CD48: variants seen among roughly 807,000 people sequenced by gnomAD.
The protein encoded by CD48 is CD48 molecule, also known as CD48 antigen.
CD48 carries 20 observed loss-of-function variants against 22.0 expected under a neutral mutation model. The observed-to-expected ratio is 0.91, with a 90% CI of 0.64 to 1.32. The LOEUF (loss-of-function observed/expected upper bound fraction) is 1.32. CD48 is among the 40% of genes most tolerant of loss of function. The pLI is 0.00. For synonymous variants in CD48, 110 were observed against 110.1 expected (o/e 1.00, Z 0.01); for missense variants, 307 against 286.5 (o/e 1.07, Z -0.52).
chr1:160,706,788 A>G (rs561022967), intron 1 of CD48, among the ~76,000 whole-genome samples: 1 of 152,328 alleles, frequency 6.6e-6, no homozygotes, highest in African/African-American at 2.4e-5. Context: ...GTAGAAAAAC[A>G]GAATTGTAAC....
chr1:160,708,575 C>T (rs1373936647), intron 1 of CD48, among the ~76,000 whole-genome samples: 2 of 152,076 alleles, frequency 1.3e-5, no homozygotes, highest in Non-Finnish European at 2.9e-5. Flanking sequence ...GTAGAATTAA[C>T]AGGACTTACT....
At chr1:160,684,682 T>C (rs1661924992) in intron 2 of CD48, 1 of 1,450,124 alleles carries the variant, frequency 6.9e-7, no homozygotes, top group Admixed American at 2.6e-5. Flanking sequence ...GAAGAGGTGT[T>C]AAATGTCCTA....
chr1:160,684,873 C>T lies in CD48; in HGVS notation c.385+14G>A. 1 of 1,614,104 alleles carries T rather than the reference C, an allele frequency of 6.2e-7. No homozygotes were observed. The highest frequency in any genetic ancestry group is 8.5e-7 in the Non-Finnish European group (1 of 1,180,010). On this transcript the variant is annotated intron_variant, in intron 2 of 3. Coordinates refer to ENST00000368046, the MANE Select transcript of CD48 (RefSeq NM_001778.4). ...ACTGGAGTGGGGATTTGCTCTTTGG[C>T]TCCCCTGACTCACCAAGCACTTGCA...
At chr1:160,680,570 C>G (rs544867268) in intron 3 of CD48, 1 of 991,248 alleles carries the variant, frequency 1.0e-6, no homozygotes, top group Non-Finnish European at 1.2e-6. Flanking sequence ...ATGCTAGCAC[C>G]AGTGTAGGCC....
At chr1:160,704,383 C>T (rs948658632) in intron 1 of CD48, among the ~76,000 whole-genome samples, 1 of 152,152 alleles carries the variant, frequency 6.6e-6, no homozygotes, top group Non-Finnish European at 1.5e-5. Flanking sequence ...ATGGGAAGTA[C>T]TTAGTTGGGG....
At chr1:160,701,310 T>C (rs558423157) in intron 1 of CD48, among the ~76,000 whole-genome samples, 3 of 150,934 alleles carry the variant, frequency 2.0e-5, no homozygotes, top group African/African-American at 7.3e-5. Context: ...TTGCCTGATT[T>C]CTTTTTTACT....
chr1:160,704,283 T>C (rs1662725396), intron 1 of CD48, among the ~76,000 whole-genome samples: 1 of 152,232 alleles, frequency 6.6e-6, no homozygotes, highest in Non-Finnish European at 1.5e-5. Context: ...AGCCTCTGTC[T>C]ACTCTAACAT....
chr1:160,681,507 G>A, intron 2 of CD48, 39 bp from the exon 3 acceptor site: 7 of 1,600,608 alleles, frequency 4.4e-6, no homozygotes, highest in Non-Finnish European at 6.0e-6. Context: ...AGACAGTGAG[G>A]CATTCATGCT....
rs141314266 is a variant in CD48 at position 160,681,995 on chromosome 1, T to C, written c.386-527A>G. 2.0e-5 allele frequency among the ~76,000 whole-genome samples: 3 copies of C among 152,316 alleles called. No homozygotes were observed. In the East Asian group the frequency reaches 5.8e-4, roughly 29 times the overall value. On this transcript the variant is annotated intron_variant, in intron 2 of 3. Coordinates refer to ENST00000368046, the MANE Select transcript of CD48 (RefSeq NM_001778.4). Reference sequence around the variant, plus strand: ...CCAGCCTTCTAGACTCTGGCAGAGCTACAGAGAAGAACTTCATGTAACTTC... The same window carrying C: ...CCAGCCTTCTAGACTCTGGCAGAGCCACAGAGAAGAACTTCATGTAACTTC...
chr1:160,680,978 G>T, intron 3 of CD48: 5 of 1,425,596 alleles, frequency 3.5e-6, no homozygotes, highest in Non-Finnish European at 4.6e-6. Flanking sequence ...TCTCCCAAAC[G>T]TCCTTTGCAG....
chr1:160,680,516 C>T, intron 3 of CD48: 1 of 939,422 alleles, frequency 1.1e-6, no homozygotes, highest in African/African-American at 1.8e-5. Context: ...CTAGAAGTGA[C>T]CCCAGGTATG....
intron 1 of CD48, among the ~76,000 whole-genome samples, chr1:160,700,007 C>T (rs879023592): frequency 6.6e-6 from 1 of 152,128 alleles, no homozygotes; most frequent in Admixed American, 6.5e-5. Flanking sequence ...AGGGGCAACC[C>T]ACCCCTTCAT....
intron 3 of CD48, among the ~76,000 whole-genome samples, chr1:160,679,881 G>A (rs1349116056): frequency 6.6e-6 from 1 of 152,130 alleles, no homozygotes; most frequent in Non-Finnish European, 1.5e-5. Context: ...ATATGAGGGT[G>A]GTGTTGGAAC....
intron 3 of CD48, chr1:160,680,738 T>G (rs1661762311): frequency 4.8e-6 from 5 of 1,033,678 alleles, no homozygotes; most frequent in Non-Finnish European, 5.8e-6. Context: ...CAGGCCCGTC[T>G]CCTCAGTCCC....
rs1044612389 is a variant in CD48, at chr1:160,688,729, G to A, written c.83-3540C>T. ...GGGCTCAGAATGGGGAGTATCATAC[G>A]AGGCTTGGGGGGCGGGTAATGCCTT... On this transcript the variant is annotated intron_variant, in intron 1 of 3. Coordinates refer to ENST00000368046, the MANE Select transcript of CD48 (RefSeq NM_001778.4). 2.0e-5 allele frequency among the ~76,000 whole-genome samples: 3 copies of A among 152,286 alleles called. No homozygotes were observed. In the East Asian group the frequency reaches 5.8e-4, roughly 29 times the overall value.
chr1:160,710,131 C>T (rs969726919), intron 1 of CD48, among the ~76,000 whole-genome samples: 17 of 152,142 alleles, frequency 1.1e-4, no homozygotes, highest in African/African-American at 4.1e-4. Context: ...GAGATTTAGA[C>T]ACATTGACCT....
chr1:160,711,003 A>T (rs965856277), intron 1 of CD48, among the ~76,000 whole-genome samples: 1 of 152,214 alleles, frequency 6.6e-6, no homozygotes, highest in Admixed American at 6.5e-5. Context: ...ATGAAGAAAG[A>T]GGGTGAGGCA....
intron 3 of CD48, among the ~76,000 whole-genome samples, chr1:160,679,448 G>C (rs775662311): frequency 5.9e-5 from 9 of 152,134 alleles, no homozygotes; most frequent in Non-Finnish European, 1.2e-4. Flanking sequence ...AGATCTTCAG[G>C]TACAGACAGA....
At chr1:160,710,257 T>G (rs757391509) in intron 1 of CD48, among the ~76,000 whole-genome samples, 9 of 152,326 alleles carry the variant, frequency 5.9e-5, no homozygotes, top group Non-Finnish European at 1.2e-4. Context: ...GACAGTATTC[T>G]CATCTGAAAA....
Sources: gnomAD v4.1 joint callset for allele counts (sites outside exome capture counted in the v4.1 genomes callset) on GRCh38, gnomAD v4.1.1 for gene constraint, MANE v1.5 for transcripts, NCBI Gene and HGNC (gene_info 2026-07-23, HGNC 2026-07-21) for gene names.